MFSD2A: variants seen among roughly 807,000 people sequenced by gnomAD.
The protein encoded by MFSD2A is MFSD2 lysolipid transporter A, lysophospholipid.
In MFSD2A, 27 loss-of-function variants were observed where a neutral mutation model predicts 64.7. That is an observed-to-expected ratio of 0.42 (90% CI 0.31 to 0.58). MFSD2A has a LOEUF of 0.58. MFSD2A is among the 20% of genes least tolerant of loss of function. The pLI, the probability that MFSD2A is intolerant of heterozygous loss-of-function variation, is 0.18. For missense variants in MFSD2A, 474 were observed against 679.5 expected (o/e 0.70, Z 3.36); for synonymous variants, 258 against 273.4 (o/e 0.94, Z 0.55).
At position 39,957,202 on chromosome 1, in the gene MFSD2A, A is replaced by G; in HGVS notation, c.209A>G (p.Tyr70Cys). 2 of 1,603,048 alleles carry G rather than the reference A, an allele frequency of 1.2e-6. No individual in the cohort carries two copies. The highest frequency in any genetic ancestry group is 1.1e-5 in the South Asian group (1 of 89,996). The change falls in exon 2 of 14, where the codon TAC becomes TGC. Residue 70 changes from tyrosine to cysteine, a missense_variant. Tyr to Cys is a radical substitution (Grantham distance 194). Coordinates refer to ENST00000372811, the MANE Select transcript of MFSD2A (RefSeq NM_032793.5). The part of the protein sequence containing the change: ...GCALGFFLQI[Y>C]LLDVAQVGPF... ...GCCCTGGGTTTCTTCCTTCAGATCTACCTATTGGATGTGGCTCAGGTGAGT... is the reference window on the plus strand; with the variant it reads ...GCCCTGGGTTTCTTCCTTCAGATCTGCCTATTGGATGTGGCTCAGGTGAGT...
At position 39,968,641 on chromosome 1, in the gene MFSD2A, C is replaced by A; in HGVS notation, c.1425C>A (p.Thr475=). ...RVKFTLNMLV[T]MAPIVLILLG... ...AGTTTACACTGAACATGCTCGTGAC[C>A]ATGGCTCCCATAGTTCTCATCCTGC... Residue 475 remains threonine (T), a synonymous_variant, in exon 13 of 14, where the codon ACC becomes ACA. Transcript: ENST00000372811. The surrounding 1 kb of genome is among the most constrained non-coding windows in gnomAD (Gnocchi z 4.4). The A allele has an allele frequency of 6.2e-7, 1 of 1,614,196 alleles. No individual in the cohort carries two copies.
rs760359320 is a variant in MFSD2A at position 39,967,928 on chromosome 1, C to T, written c.1208+12C>T. ...TTCTTACTACCCTGGTAGGTATATA[C>T]AGGCCCCCCTCCTCGGGTATCTCCA... On this transcript the variant is annotated intron_variant, in intron 11 of 13. Coordinates refer to ENST00000372811, the MANE Select transcript of MFSD2A (RefSeq NM_032793.5). 2 of 1,547,770 alleles carry T rather than the reference C, an allele frequency of 1.3e-6. No individual in the cohort carries two copies. Among genetic ancestry groups the T allele is most frequent in the East Asian group, 4.5e-5 (2 of 44,524 alleles).
intron 3 of MFSD2A, among the ~76,000 whole-genome samples, chr1:39,959,214 ATCTTTCTTTCTCTT>A (rs1484308267): frequency 6.8e-6 from 1 of 147,580 alleles, no homozygotes; most frequent in African/African-American, 2.5e-5. Context: ...TATTATTTTT[ATCTTTCTTTCTCTT>A]TCTTTCTTTC....
chr1:39,963,159 G>C lies in MFSD2A; in HGVS notation c.354-2052G>C. On this transcript the variant is annotated intron_variant, in intron 3 of 13. Coordinates refer to ENST00000372811, the MANE Select transcript of MFSD2A (RefSeq NM_032793.5). This position sits in a 1 kb window ranked among gnomAD's most constrained non-coding sequence, Gnocchi z 4.2. Reference sequence around the variant, plus strand: ...CCCTGCACCCAGGAGCACTGGCATCGTCTCCACACCTGTGCCCAAGAAGCT... The same window carrying C: ...CCCTGCACCCAGGAGCACTGGCATCCTCTCCACACCTGTGCCCAAGAAGCT... The C allele has an allele frequency of 6.8e-7, 1 of 1,468,396 alleles. No individual in the cohort carries two copies. The highest frequency in any genetic ancestry group is 9.4e-7 in the Non-Finnish European group (1 of 1,068,178). The allele number at this position is 1,468,396 out of a possible 1,614,324, so 91.0% of individuals were successfully genotyped here.
In MFSD2A at chr1:39,957,200, C is replaced by T. The variant is rs768640316; in HGVS notation, c.207C>T (p.Ile69=). The part of the protein sequence containing the change: ...TGCALGFFLQ[I]YLLDVAQVGP... ...GTGCCCTGGGTTTCTTCCTTCAGAT[C>T]TACCTATTGGATGTGGCTCAGGTGA... Residue 69 remains isoleucine, a synonymous_variant, in exon 2 of 14, where the codon ATC becomes ATT. Transcript: ENST00000372811. 10 of 1,606,302 alleles carry T rather than the reference C, an allele frequency of 6.2e-6. No individual in the cohort carries two copies. The highest frequency in any genetic ancestry group is 2.2e-5 in the East Asian group (1 of 44,748).
At position 39,965,662 on chromosome 1, in the gene MFSD2A, TAA is replaced by T. The variant is rs1645145316; in HGVS notation, c.556+117_556+118del. The T allele has an allele frequency of 7.7e-7, 1 of 1,291,874 alleles. No individual in the cohort carries two copies. The highest frequency in any genetic ancestry group is 1.1e-6 in the Non-Finnish European group (1 of 904,880). The allele number at this position is 1,291,874 out of a possible 1,614,324, so 80.0% of individuals were successfully genotyped here. On this transcript the variant is annotated intron_variant, in intron 5 of 13. Coordinates refer to ENST00000372811, the MANE Select transcript of MFSD2A (RefSeq NM_032793.5). The surrounding 1 kb of genome is among the most constrained non-coding windows in gnomAD (Gnocchi z 5.5). ...CTAGAGTGTGGGTGTGAAACCATCT[TAA>T]AAATAACTCAATCCCCTTATTGCTC...
Position 39,965,053 on chromosome 1 carries a change from C to T in MFSD2A, c.354-158C>T, listed in dbSNP as rs1020845800. On this transcript the variant is annotated intron_variant, in intron 3 of 13. Coordinates refer to ENST00000372811, the MANE Select transcript of MFSD2A (RefSeq NM_032793.5). The surrounding 1 kb of genome is among the most constrained non-coding windows in gnomAD (Gnocchi z 5.5). ...TCCGGGCTTGGTCATCAGCCTCTTC[C>T]CAGAGGCCCAGGATGGGTGGATTTG... 1.9e-5 allele frequency: 19 copies of T among 1,007,346 alleles called. No homozygotes were observed. In the Admixed American group the frequency reaches 2.3e-4, roughly 12 times the overall value. 62.4% of individuals were successfully genotyped at this position (1,007,346 alleles called of 1,614,324 possible). A position where few individuals can be genotyped will look rare whatever the true frequency, so the allele number is the denominator to read the frequency against.
intron 1 of MFSD2A, among the ~76,000 whole-genome samples, chr1:39,956,622 G>A (rs1444683638): frequency 6.6e-6 from 1 of 152,086 alleles, no homozygotes; most frequent in Non-Finnish European, 1.5e-5. Flanking sequence ...GTGGCTTAGG[G>A]GCTACTTTCA....
In MFSD2A at chr1:39,968,792, T is replaced by A; in HGVS notation, c.1529+47T>A. 6.2e-7 allele frequency: 1 copy of A among 1,600,748 alleles called. No individual in the cohort carries two copies. The highest frequency in any genetic ancestry group is 8.5e-7 in the Non-Finnish European group (1 of 1,172,946). On this transcript the variant is annotated intron_variant, in intron 13 of 13. Coordinates refer to ENST00000372811, the MANE Select transcript of MFSD2A (RefSeq NM_032793.5). This position sits in a 1 kb window ranked among gnomAD's most constrained non-coding sequence, Gnocchi z 4.4. ...TGCTGGAGGAGGGGACGTCACTGTG[T>A]CTAAACCCTCAATTTGTGTCTCCTG...
At position 39,968,442 on chromosome 1, in the gene MFSD2A, T is replaced by A; in HGVS notation, c.1317T>A (p.Ser439=). Residue 439 remains serine, a synonymous_variant, in exon 12 of 14, where the codon TCT becomes TCA. Coordinates refer to ENST00000372811, the MANE Select transcript of MFSD2A (RefSeq NM_032793.5). This position sits in a 1 kb window ranked among gnomAD's most constrained non-coding sequence, Gnocchi z 4.4. ...SFYVFFTKFA[S]GVSLGISTLS... ...ATGTCTTCTTCACCAAGTTTGCCTC[T>A]GGAGTGTCACTGGGCATTTCTACCC... 1 of 1,614,192 alleles carries A rather than the reference T, an allele frequency of 6.2e-7. No individual in the cohort carries two copies. Among genetic ancestry groups the A allele is most frequent in the Admixed American group, 1.7e-5 (1 of 60,034 alleles).
intron 6 of MFSD2A, 68 bp from the exon 7 acceptor site, chr1:39,966,533 G>T: frequency 7.7e-7 from 1 of 1,305,900 alleles, no homozygotes; most frequent in Non-Finnish European, 1.1e-6. Context: ...GAGTGGGGCT[G>T]CTGGAACTGG....
rs910291699 is a variant in MFSD2A at position 39,961,631 on chromosome 1, G to A, written c.353+2806G>A. ...CAAAGTGCTGGGATTACAGGCGTGAGCCACTGCACCTGGCCCTTTTCCTTT... is the reference window on the plus strand; with the variant it reads ...CAAAGTGCTGGGATTACAGGCGTGAACCACTGCACCTGGCCCTTTTCCTTT... On this transcript the variant is annotated intron_variant, in intron 3 of 13. Transcript: ENST00000372811. 6.3e-4 allele frequency among the ~76,000 whole-genome samples: 96 copies of A among 152,144 alleles called. 2 individuals are homozygous for A. Among genetic ancestry groups the A allele is most frequent in the Non-Finnish European group, 1.3e-4 (9 of 68,034 alleles).
rs1464211898 is a variant in MFSD2A, at chr1:39,968,699, G to A, written c.1483G>A (p.Asp495Asn). The change falls in exon 13 of 14, where the codon GAT becomes AAT. Residue 495 changes from aspartate (D) to asparagine (N), a missense_variant. By Grantham distance (23) the Asp-to-Asn change is conservative (BLOSUM62 1). Coordinates refer to ENST00000372811, the MANE Select transcript of MFSD2A (RefSeq NM_032793.5). The surrounding 1 kb of genome is among the most constrained non-coding windows in gnomAD (Gnocchi z 4.4). ...GLLLFKMYPI[D>N]EERRRQNKKA... ...GCTGCTCTTCAAAATGTACCCCATT[G>A]ATGAGGAGAGGCGGCGGCAGAATAA... 1.9e-6 allele frequency: 3 copies of A among 1,614,014 alleles called. No individual in the cohort carries two copies. The highest frequency in any genetic ancestry group is 2.2e-5 in the East Asian group (1 of 44,886).
intron 3 of MFSD2A, among the ~76,000 whole-genome samples, chr1:39,959,511 C>T (rs1463153154): frequency 6.6e-6 from 1 of 152,146 alleles, no homozygotes; most frequent in Non-Finnish European, 1.5e-5. Context: ...CCTCAGCCTC[C>T]CAAAGTGTTA....
At position 39,955,557 on chromosome 1, in the gene MFSD2A, A is replaced by G; in HGVS notation, c.93+172A>G. Reference sequence around the variant, plus strand: ...CCCTGGGACAGGGGGTGACGGAGAAAAGCTGTGGGCGCCCTCGCCCCCCTT... The same window carrying G: ...CCCTGGGACAGGGGGTGACGGAGAAGAGCTGTGGGCGCCCTCGCCCCCCTT... On this transcript the variant is annotated intron_variant, in intron 1 of 13. Transcript: ENST00000372811. The surrounding 1 kb of genome is among the most constrained non-coding windows in gnomAD (Gnocchi z 5.9). 2.6e-6 allele frequency: 2 copies of G among 756,122 alleles called. No homozygotes were observed. Among genetic ancestry groups the G allele is most frequent in the South Asian group, 1.5e-5 (1 of 67,076 alleles). 46.8% of individuals were successfully genotyped at this position (756,122 alleles called of 1,614,324 possible).
Position 39,964,856 on chromosome 1 carries a change from G to A in MFSD2A, c.354-355G>A, listed in dbSNP as rs969030989. 2.6e-5 allele frequency: 8 copies of A among 304,524 alleles called. No individual in the cohort carries two copies. The highest frequency in any genetic ancestry group is 3.8e-5 in the Non-Finnish European group (6 of 159,228). The allele number at this position is 304,524 out of a possible 1,614,324, so 18.9% of individuals were successfully genotyped here. A position where few individuals can be genotyped will look rare whatever the true frequency, so the allele number is the denominator to read the frequency against. On this transcript the variant is annotated intron_variant, in intron 3 of 13. Coordinates refer to ENST00000372811, the MANE Select transcript of MFSD2A (RefSeq NM_032793.5). This position sits in a 1 kb window ranked among gnomAD's most constrained non-coding sequence, Gnocchi z 4.1. ...TTGATGACTATCCGTGTGAGAACAC[G>A]GGAGTTGGGGCTGCTCCTTCTCTTT... is the stretch of plus-strand genomic sequence containing the variant.
chr1:39,965,615 G>A lies in MFSD2A; in HGVS notation c.556+66G>A, dbSNP rs867731081. 2.2e-5 allele frequency: 34 copies of A among 1,521,628 alleles called. No homozygotes were observed. The Middle Eastern group carries it at 6.8e-4, about 30-fold the overall frequency. 94.3% of individuals were successfully genotyped at this position (1,521,628 alleles called of 1,614,324 possible). A position where few individuals can be genotyped will look rare whatever the true frequency, so the allele number is the denominator to read the frequency against. On this transcript the variant is annotated intron_variant, in intron 5 of 13. Transcript: ENST00000372811. The surrounding 1 kb of genome is among the most constrained non-coding windows in gnomAD (Gnocchi z 5.5). ...CCTCCAGCCATACTTCTTCCCTTGC[G>A]GGTCCAGCTCTTTGCTCTGCTCTAG... is the stretch of plus-strand genomic sequence containing the variant.
chr1:39,965,937 T>C lies in MFSD2A; in HGVS notation c.637T>C (p.Phe213Leu). 6.2e-7 allele frequency: 1 copy of C among 1,614,176 alleles called. No homozygotes were observed. The highest frequency in any genetic ancestry group is 1.1e-5 in the South Asian group (1 of 91,084). ...QIVGQADTPC[F>L]QDLNSSTVAS... is the part of the protein sequence containing the mutation. ...CGTGGGCCAAGCAGACACGCCTTGT[T>C]TCCAGGACCTCAATAGCTCTACAGT... Residue 213 changes from phenylalanine to leucine, a missense_variant, in exon 6 of 14, where the codon TTC (phenylalanine) becomes CTC (leucine). Coordinates refer to ENST00000372811, the MANE Select transcript of MFSD2A (RefSeq NM_032793.5). The surrounding 1 kb of genome is among the most constrained non-coding windows in gnomAD (Gnocchi z 5.5).
chr1:39,963,460 C>A lies in MFSD2A; in HGVS notation c.354-1751C>A. The A allele has an allele frequency of 1.8e-6, 1 of 541,796 alleles. No individual in the cohort carries two copies. The highest frequency in any genetic ancestry group is 3.3e-6 in the Non-Finnish European group (1 of 304,536). 33.6% of individuals were successfully genotyped at this position (541,796 alleles called of 1,614,324 possible). A position where few individuals can be genotyped will look rare whatever the true frequency, so the allele number is the denominator to read the frequency against. Reference sequence around the variant, plus strand: ...AAGCCTGTTAAAAAAAAAATGTTTACGAGACAGAGTCTTGCTATGTTGCAC... The same window carrying A: ...AAGCCTGTTAAAAAAAAAATGTTTAAGAGACAGAGTCTTGCTATGTTGCAC... On this transcript the variant is annotated intron_variant, in intron 3 of 13. Coordinates refer to ENST00000372811, the MANE Select transcript of MFSD2A (RefSeq NM_032793.5). This position sits in a 1 kb window ranked among gnomAD's most constrained non-coding sequence, Gnocchi z 4.2.
Sources: gnomAD v4.1 joint callset for allele counts (sites outside exome capture counted in the v4.1 genomes callset) on GRCh38, gnomAD v4.1.1 for gene constraint, Gnocchi (gnomAD v3.1) non-coding constraint, MANE v1.5 for transcripts, NCBI Gene and HGNC (gene_info 2026-07-23, HGNC 2026-07-21) for gene names.